The following HSD17B4 variants were observed in gnomAD, a reference collection of about 807,000 sequenced individuals.
The protein encoded by HSD17B4 is hydroxysteroid 17-beta dehydrogenase 4.
In HSD17B4, 70 loss-of-function variants were observed where a neutral mutation model predicts 101.0. The observed-to-expected ratio is 0.69, with a 90% CI of 0.57 to 0.85. The LOEUF (loss-of-function observed/expected upper bound fraction) is 0.85, where lower values mean the gene tolerates loss of function less well. Ranked by LOEUF, HSD17B4 falls within the 40% of genes least tolerant of loss-of-function variation. The pLI is 0.00. For synonymous variants in HSD17B4, 347 were observed against 297.1 expected (o/e 1.17, Z -1.73); for missense variants, 984 against 892.4 (o/e 1.10, Z -1.31).
At chr5:119,533,437 G>A (rs1291168664) in intron 22 of HSD17B4, among the ~76,000 whole-genome samples, 1 of 151,854 alleles carries the variant, frequency 6.6e-6, no homozygotes, top group Non-Finnish European at 1.5e-5. Flanking sequence ...GGAGAGGAGA[G>A]GGCCTATGTG....
chr5:119,530,539 C>A (rs560940367), intron 21 of HSD17B4, among the ~76,000 whole-genome samples: 2 of 148,280 alleles, frequency 1.3e-5, no homozygotes, highest in South Asian at 4.3e-4. Context: ...ATTAAAATCC[C>A]TTAAGAATAG....
chr5:119,506,386 T>A (rs1002253888), intron 14 of HSD17B4, among the ~76,000 whole-genome samples: 5 of 152,246 alleles, frequency 3.3e-5, no homozygotes, highest in Admixed American at 1.3e-4. Context: ...ATGGTGTATA[T>A]GTGCCACATT....
At chr5:119,471,807 A>C in intron 2 of HSD17B4, 1 of 602,882 alleles carries the variant, frequency 1.7e-6, no homozygotes, top group Non-Finnish European at 2.8e-6. Context: ...ATTATTGTGT[A>C]AATTAACTTT....
rs990997493 is a variant in HSD17B4, at chr5:119,492,454, T to C, written c.739+330T>C. On this transcript the variant is annotated intron_variant, in intron 10 of 23. Transcript: ENST00000510025. ...CTTTGACTTCCCACATGCTCGTTCT[T>C]GCTGTTTCAGCAGAGAAGTGAGTGG... is the stretch of plus-strand genomic sequence containing the variant. 4.4e-5 allele frequency: 12 copies of C among 275,292 alleles called. No individual in the cohort carries two copies. The Admixed American group carries it at 5.1e-4, about 12-fold the overall frequency. 17.1% of individuals were successfully genotyped at this position (275,292 alleles called of 1,614,324 possible).
At position 119,499,342 on chromosome 5, in the gene HSD17B4, C is replaced by T. The variant is rs770219479; in HGVS notation, c.998C>T (p.Pro333Leu). ...GFAGAIGQKL[P>L]PFSYAYTELE... ...GCTGGAGCTATTGGCCAGAAACTCC[C>T]TCCATTTTCTTATGCTTATACGGAA... Residue 333 changes from proline (P) to leucine (L), a missense_variant, in exon 13 of 24, where the codon CCT becomes CTT. Physicochemically the swap from Pro to Leu is moderately conservative, Grantham distance 98. Transcript: ENST00000510025. 6 of 1,613,192 alleles carry T rather than the reference C, an allele frequency of 3.7e-6. No homozygotes were observed. Among genetic ancestry groups the T allele is most frequent in the Non-Finnish European group, 5.1e-6 (6 of 1,179,212 alleles).
At chr5:119,470,539 A>G (rs1035801635) in intron 2 of HSD17B4, among the ~76,000 whole-genome samples, 11 of 152,256 alleles carry the variant, frequency 7.2e-5, no homozygotes, top group Non-Finnish European at 1.6e-4. Context: ...GGTATTTGTG[A>G]TGGTAATGGC....
At position 119,521,108 on chromosome 5, in the gene HSD17B4, A is replaced by G. The variant is rs987403768; in HGVS notation, c.1504-4108A>G. On this transcript the variant is annotated intron_variant, in intron 17 of 23. Transcript: ENST00000510025. ...GGTTTCCCAAGAACGGCTCCTGTGT[A>G]TAGTGTTGCCTTGGTTTCTATATCT... Among the ~76,000 whole-genome samples the G allele has an allele frequency of 1.1e-4, 17 of 152,324 alleles. No homozygotes were observed. In the South Asian group the frequency reaches 2.5e-3, roughly 22 times the overall value.
intron 2 of HSD17B4, among the ~76,000 whole-genome samples, chr5:119,461,201 A>G (rs1755196904): frequency 1.3e-5 from 2 of 152,364 alleles, no homozygotes; most frequent in African/African-American, 2.4e-5. Flanking sequence ...GGAATTTATG[A>G]TTCATATCTT....
At chr5:119,521,247 C>G (rs1753089815) in intron 17 of HSD17B4, among the ~76,000 whole-genome samples, 1 of 152,196 alleles carries the variant, frequency 6.6e-6, no homozygotes, top group Admixed American at 6.5e-5. Context: ...TTTGAAAAGT[C>G]TGATGCCAAT....
chr5:119,500,345 A>G (rs979097202), intron 13 of HSD17B4, among the ~76,000 whole-genome samples: 1 of 151,782 alleles, frequency 6.6e-6, no homozygotes, highest in African/African-American at 2.4e-5. Context: ...TACATTGTAT[A>G]TAGTTATACA....
At position 119,475,875 on chromosome 5, in the gene HSD17B4, G is replaced by A. The variant is rs1486188025; in HGVS notation, c.349+5G>A. On this transcript the variant is annotated splice_donor_5th_base_variant and intron_variant, in intron 6 of 23. Transcript: ENST00000510025. ...GGATAAGTGATGAAGACTGGGGTAA[G>A]TTGTTTTTAGTATTTCTCTGGGGAA... 6.4e-7 allele frequency: 1 copy of A among 1,572,548 alleles called. No individual in the cohort carries two copies. Among genetic ancestry groups the A allele is most frequent in the Non-Finnish European group, 8.8e-7 (1 of 1,142,298 alleles).
chr5:119,462,832 T>C (rs2126639244), intron 2 of HSD17B4, among the ~76,000 whole-genome samples: 1 of 152,282 alleles, frequency 6.6e-6, no homozygotes, highest in Non-Finnish European at 1.5e-5. Context: ...GCCTCAAACA[T>C]TTATCCTTTC....
At chr5:119,491,146 G>A (rs764906873) in intron 9 of HSD17B4, among the ~76,000 whole-genome samples, 4 of 152,122 alleles carry the variant, frequency 2.6e-5, no homozygotes, top group Non-Finnish European at 5.9e-5. Flanking sequence ...CACCTGAGAG[G>A]AACTTGTAGC....
intron 23 of HSD17B4, among the ~76,000 whole-genome samples, chr5:119,538,570 T>C (rs1754723161): frequency 6.6e-6 from 1 of 152,238 alleles, no homozygotes; most frequent in Admixed American, 6.5e-5. Context: ...GTGTATAAAA[T>C]CCAAGTTAGC....
At position 119,475,909 on chromosome 5, in the gene HSD17B4, T is replaced by C. The variant is rs2678069; in HGVS notation, c.349+39T>C. 6,008 of 1,411,570 alleles carry C rather than the reference T, an allele frequency of 4.3e-3. 188 individuals carry two copies. The African/African-American group carries it at 0.073, about 17-fold the overall frequency. 87.4% of individuals were successfully genotyped at this position (1,411,570 alleles called of 1,614,324 possible). On this transcript the variant is annotated intron_variant, in intron 6 of 23. Coordinates refer to ENST00000510025, the MANE Select transcript of HSD17B4 (RefSeq NM_000414.4). ...AGTATTTCTCTGGGGAACATACTTA[T>C]CCATTTAGCCTTTTTAGTATTTGAT...
At chr5:119,517,916 T>C (rs996986322) in intron 17 of HSD17B4, among the ~76,000 whole-genome samples, 8 of 152,254 alleles carry the variant, frequency 5.3e-5, no homozygotes, top group African/African-American at 1.7e-4. Flanking sequence ...ACCTTTGTGT[T>C]GATACTCTGT....
Position 119,525,940 on chromosome 5 carries a change from G to C in HSD17B4, c.1597G>C (p.Gly533Arg). Residue 533 changes from glycine to arginine, a missense_variant, in exon 19 of 24, where the codon GGA (glycine) becomes CGA (arginine). Coordinates refer to ENST00000510025, the MANE Select transcript of HSD17B4 (RefSeq NM_000414.4). ...LAGFDKPILH[G>R]LCTFGFSARR... ...AGGTTTTGACAAGCCCATATTACAT[G>C]GATTATGTACATTTGGATTTTCTGC... The C allele has an allele frequency of 1.2e-6, 2 of 1,608,900 alleles. No homozygotes were observed. The highest frequency in any genetic ancestry group is 1.7e-6 in the Non-Finnish European group (2 of 1,175,690).
chr5:119,518,465 G>C (rs534363912), intron 17 of HSD17B4, among the ~76,000 whole-genome samples: 1 of 152,166 alleles, frequency 6.6e-6, no homozygotes, highest in Non-Finnish European at 1.5e-5. Flanking sequence ...GACACAGAAG[G>C]GTTCGATAGT....
chr5:119,534,689 C>T (rs1192763283), intron 22 of HSD17B4, among the ~76,000 whole-genome samples: 1 of 152,028 alleles, frequency 6.6e-6, no homozygotes, highest in African/African-American at 2.4e-5. Context: ...ATGAGTGTCT[C>T]ATGCATTTAT....
Sources: allele counts gnomAD v4.1 joint callset (sites outside exome capture counted in the v4.1 genomes callset), GRCh38; gene constraint gnomAD v4.1.1; transcripts MANE v1.5; gene names NCBI Gene and HGNC (gene_info 2026-07-23, HGNC 2026-07-21).